The following COPG2 variants were observed in gnomAD, a reference collection of about 807,000 sequenced individuals.
COPG2 encodes coat protein complex I subunit gamma 2, also known as coatomer subunit gamma-2.
A neutral mutation model predicts 46.3 loss-of-function variants in COPG2; 37 were observed. The observed-to-expected ratio is 0.80, with a 90% CI of 0.61 to 1.05. COPG2 has a LOEUF of 1.05. Among genes scored for constraint, COPG2 ranks in the 50% least tolerant of loss-of-function variants. The pLI is 0.00. For missense variants in COPG2, 427 were observed against 387.8 expected (o/e 1.10, Z -0.85); for synonymous variants, 159 against 129.7 (o/e 1.23, Z -1.53).
At chr7:130,576,025 C>T (rs570556214) in intron 9 of COPG2, among the ~76,000 whole-genome samples, 63 of 152,200 alleles carry the variant, frequency 4.1e-4, no homozygotes, top group Non-Finnish European at 7.6e-4. Flanking sequence ...ATATCACAAT[C>T]CTAAACATAT....
At chr7:130,608,671 CTTAT>C (rs1217458276) in intron 9 of COPG2, among the ~76,000 whole-genome samples, 13 of 151,998 alleles carry the variant, frequency 8.6e-5, no homozygotes, top group African/African-American at 3.1e-4. Context: ...GTCAACGATT[CTTAT>C]TTTTGTTTCC....
intron 9 of COPG2, among the ~76,000 whole-genome samples, chr7:130,579,377 C>T (rs1240713690): frequency 6.7e-6 from 1 of 150,088 alleles, no homozygotes; most frequent in African/African-American, 2.4e-5. Flanking sequence ...ACAACCGGTA[C>T]CAGCCACTGC....
intron 9 of COPG2, among the ~76,000 whole-genome samples, chr7:130,574,115 A>C (rs1554445878): frequency 6.6e-6 from 1 of 152,220 alleles, no homozygotes. Flanking sequence ...AACTAATGAA[A>C]AAACCAAGTG....
intron 22 of COPG2, 47 bp downstream of exon 22, chr7:130,507,638 T>C: frequency 1.3e-6 from 1 of 762,060 alleles, no homozygotes; most frequent in Non-Finnish European, 2.4e-6. Context: ...GCCTGTTAGG[T>C]GTTATACTGT....
chr7:130,664,580 T>C (rs1297751705), intron 3 of COPG2, among the ~76,000 whole-genome samples: 1 of 152,228 alleles, frequency 6.6e-6, no homozygotes, highest in Non-Finnish European at 1.5e-5. Context: ...AGAGATAAAA[T>C]TTATGTTCCC....
chr7:130,548,194 A>G (rs1477252703), intron 19 of COPG2, among the ~76,000 whole-genome samples: 2 of 152,196 alleles, frequency 1.3e-5, no homozygotes, highest in African/African-American at 4.8e-5. Flanking sequence ...TTCATCACAC[A>G]TTTCAGTTTT....
intron 9 of COPG2, among the ~76,000 whole-genome samples, chr7:130,586,968 T>C (rs1283953585): frequency 6.6e-6 from 1 of 152,004 alleles, no homozygotes; most frequent in Non-Finnish European, 1.5e-5. Flanking sequence ...TTACATATAA[T>C]TCCTATCCTT....
At chr7:130,574,915 A>G (rs1793976661) in intron 9 of COPG2, among the ~76,000 whole-genome samples, 1 of 152,180 alleles carries the variant, frequency 6.6e-6, no homozygotes, top group African/African-American at 2.4e-5. Context: ...AATGCTCTGG[A>G]AAGTCTCAGC....
At chr7:130,593,869 G>A (rs868974534) in intron 9 of COPG2, among the ~76,000 whole-genome samples, 1 of 152,250 alleles carries the variant, frequency 6.6e-6, no homozygotes, top group South Asian at 2.1e-4. Context: ...TGTGAATTTG[G>A]GGTAAGAAAA....
chr7:130,543,186 C>T (rs1793371482), intron 20 of COPG2, among the ~76,000 whole-genome samples: 1 of 152,124 alleles, frequency 6.6e-6, no homozygotes. Flanking sequence ...ACATAGGTTA[C>T]TATGTGTTTA....
chr7:130,645,409 C>A, intron 5 of COPG2: 1 of 498,722 alleles, frequency 2.0e-6, no homozygotes, highest in South Asian at 1.6e-5. Context: ...CTCCACCCGT[C>A]GGTGTCCATG....
intron 17 of COPG2, 86 bp downstream of exon 17, chr7:130,550,438 A>C: frequency 7.2e-6 from 2 of 276,650 alleles, no homozygotes; most frequent in East Asian, 5.5e-5. Context: ...AAAAAGAGTG[A>C]CAATTAAATG....
chr7:130,531,954 T>C (rs1222828280), intron 20 of COPG2, among the ~76,000 whole-genome samples: 1 of 151,760 alleles, frequency 6.6e-6, no homozygotes, highest in African/African-American at 2.4e-5. Flanking sequence ...AAAAAATCAA[T>C]CTCTAAAATG....
intron 20 of COPG2, among the ~76,000 whole-genome samples, chr7:130,535,858 C>G (rs1377508281): frequency 6.6e-6 from 1 of 151,794 alleles, no homozygotes; most frequent in African/African-American, 2.4e-5. Flanking sequence ...ACATCTGAGT[C>G]CGGCAAAAGA....
At chr7:130,583,241 G>C (rs1190592289) in intron 9 of COPG2, among the ~76,000 whole-genome samples, 3 of 148,982 alleles carry the variant, frequency 2.0e-5, no homozygotes, top group African/African-American at 7.4e-5. Flanking sequence ...GTAAACTATC[G>C]CAAGAACAAA....
At chr7:130,542,102 A>G (rs1459469206) in intron 20 of COPG2, among the ~76,000 whole-genome samples, 7 of 128,250 alleles carry the variant, frequency 5.5e-5, no homozygotes, top group African/African-American at 2.6e-4. Flanking sequence ...TACGGAGGTG[A>G]GCTTGTTGAG....
chr7:130,631,178 T>C (rs1436373011), intron 5 of COPG2, among the ~76,000 whole-genome samples: 117 of 148,990 alleles, frequency 7.9e-4, no homozygotes, highest in Non-Finnish European at 1.2e-3. Context: ...TTTTCTTTTT[T>C]TTTTTTTTTT....
At chr7:130,625,182 T>G (rs1795096646) in intron 5 of COPG2, among the ~76,000 whole-genome samples, 1 of 152,258 alleles carries the variant, frequency 6.6e-6, no homozygotes, top group Admixed American at 6.5e-5. Context: ...GGGCATTTTT[T>G]CATATGTTTG....
chr7:130,647,663 T>A (rs1188848579), intron 5 of COPG2, among the ~76,000 whole-genome samples: 1 of 152,154 alleles, frequency 6.6e-6, no homozygotes, highest in Non-Finnish European at 1.5e-5. Flanking sequence ...GAATAGGCTT[T>A]TTTATTTTGG....
Sources: allele counts gnomAD v4.1 joint callset (sites outside exome capture counted in the v4.1 genomes callset), GRCh38; gene constraint gnomAD v4.1.1; transcripts MANE v1.5; gene names NCBI Gene and HGNC (gene_info 2026-07-23, HGNC 2026-07-21).